CD36: variants seen among roughly 807,000 people sequenced by gnomAD.
The protein encoded by CD36 is platelet glycoprotein 4.
CD36 carries 119 observed loss-of-function variants against 55.2 expected under a neutral mutation model. That is an observed-to-expected ratio of 2.15 (90% CI 1.86 to 2.51). CD36 has a LOEUF of 2.51. Among genes scored for constraint, CD36 ranks in the 30% most tolerant of loss-of-function variants. The pLI is 0.00. For synonymous variants in CD36, 186 were observed against 193.6 expected, an observed-to-expected ratio of 0.96 and a Z score of 0.33; for missense variants, 819 against 555.5, an observed-to-expected ratio of 1.47 and a Z score of -4.77.
rs570865967 is a variant in CD36, at chr7:80,604,076, G to A, written c.-184+1697G>A. Among the ~76,000 whole-genome samples, 9 of 152,154 alleles carry A rather than the reference G, an allele frequency of 5.9e-5. No homozygotes were observed. In the East Asian group the frequency reaches 1.4e-3, roughly 23 times the overall value. ...ATAAAAATTGTGAAGTGTGTGCAAC[G>A]CGCTTCACAACAGGTTACTTTATTG... is the stretch of plus-strand genomic sequence containing the variant. On this transcript the variant is annotated intron_variant, in intron 1 of 13. Coordinates refer to the CD36 transcript ENST00000309881.
At chr7:80,654,502 C>A (rs899178021) in intron 3 of CD36, among the ~76,000 whole-genome samples, 6 of 152,114 alleles carry the variant, frequency 3.9e-5, no homozygotes, top group African/African-American at 1.4e-4. Flanking sequence ...GAGAAATCAA[C>A]CGTTTTCAGC....
At chr7:80,675,183 C>G (rs558516040) in intron 14 of CD36, among the ~76,000 whole-genome samples, 70 of 152,210 alleles carry the variant, frequency 4.6e-4, no homozygotes, top group Non-Finnish European at 8.2e-4. Flanking sequence ...ACTATTTGGA[C>G]AGAATGGCTT....
rs1389441371 is a variant in CD36, at chr7:80,663,086, A to G, written c.526A>G (p.Arg176Gly). Residue 176 changes from arginine (R) to glycine (G), a missense_variant, in exon 6 of 15, where the codon AGA (arginine) becomes GGA (glycine). Coordinates refer to ENST00000447544, the MANE Select transcript of CD36 (RefSeq NM_001001548.3). The part of the protein sequence containing the change: ...KSSMFQVRTL[R>G]ELLWGYRDPF... ...TTCTATGTTCCAAGTCAGAACTTTG[A>G]GAGAACTGTTATGGGGCTATAGGGA... The G allele has an allele frequency of 3.1e-6, 5 of 1,613,588 alleles. No individual in the cohort carries two copies. The Middle Eastern group carries it at 5.0e-4, about 160-fold the overall frequency.
intron 3 of CD36, among the ~76,000 whole-genome samples, chr7:80,649,970 G>A (rs115601670): frequency 1.3e-5 from 2 of 152,084 alleles, no homozygotes; most frequent in African/African-American, 4.8e-5. Context: ...TTAGAACATG[G>A]TCACCAATAA....
chr7:80,658,029 T>C (rs978125277), intron 4 of CD36, among the ~76,000 whole-genome samples: 4 of 152,196 alleles, frequency 2.6e-5, no homozygotes, highest in African/African-American at 9.6e-5. Flanking sequence ...CCTACTACCA[T>C]AGCACATGAC....
intron 1 of CD36, among the ~76,000 whole-genome samples, chr7:80,631,127 T>A (rs903116158): frequency 2.0e-5 from 3 of 151,886 alleles, no homozygotes; most frequent in Non-Finnish European, 2.9e-5. Context: ...CTTTTGAGAG[T>A]GACATTCTGT....
intron 1 of CD36, among the ~76,000 whole-genome samples, chr7:80,644,025 C>T (rs1352358420): frequency 6.6e-6 from 1 of 152,164 alleles, no homozygotes; most frequent in Non-Finnish European, 1.5e-5. Flanking sequence ...GCATGACATT[C>T]TCTAGTTGGC....
intron 1 of CD36, among the ~76,000 whole-genome samples, chr7:80,631,246 T>G (rs953635728): frequency 2.6e-5 from 4 of 152,040 alleles, no homozygotes; most frequent in East Asian, 1.9e-4. Flanking sequence ...TAAATATGTT[T>G]GAGTCCTTCG....
chr7:80,666,732 T>TA (rs1797128126), intron 8 of CD36, among the ~76,000 whole-genome samples: 2 of 152,336 alleles, frequency 1.3e-5, no homozygotes, highest in South Asian at 4.1e-4. Context: ...GTTTGCTTTG[T>TA]AAAAACTTTA....
rs879087063 is a variant in CD36, at chr7:80,677,220, A to C, written c.*837A>C. The C allele has an allele frequency of 6.6e-6, 1 of 152,224 alleles. No homozygotes were observed. The highest frequency in any genetic ancestry group is 1.5e-5 in the Non-Finnish European group (1 of 68,042). 9.4% of individuals were successfully genotyped at this position (152,224 alleles called of 1,614,324 possible). ...GACATTTGGTTTCATCCTTTACAGC[A>C]GTAGGACAATTGCAAAGGTTTTTCC... is the stretch of plus-strand genomic sequence containing the variant. On this transcript the variant is annotated 3_prime_UTR_variant, in exon 15 of 15. Transcript: ENST00000447544.
chr7:80,605,423 C>T (rs1365887885), intron 1 of CD36, among the ~76,000 whole-genome samples: 10 of 152,064 alleles, frequency 6.6e-5, no homozygotes, highest in Admixed American at 6.6e-4. Flanking sequence ...GCATATTCAT[C>T]ATTTTATGGA....
At chr7:80,608,013 G>A (rs1234900314) in intron 1 of CD36, among the ~76,000 whole-genome samples, 1 of 151,938 alleles carries the variant, frequency 6.6e-6, no homozygotes, top group Non-Finnish European at 1.5e-5. Flanking sequence ...CTCGTGATCC[G>A]CCCGCCTCGG....
intron 1 of CD36, among the ~76,000 whole-genome samples, chr7:80,630,466 G>A (rs1584319578): frequency 6.6e-6 from 1 of 151,970 alleles, no homozygotes; most frequent in East Asian, 1.9e-4. Flanking sequence ...CAACAGAACA[G>A]ACAAATGTAG....
chr7:80,636,044 A>G (rs988056699), upstream of CD36, among the ~76,000 whole-genome samples: 6 of 152,124 alleles, frequency 3.9e-5, no homozygotes, highest in African/African-American at 1.2e-4. Context: ...GGTGAATTAA[A>G]CAGACAAGCA....
At chr7:80,642,928 T>A (rs2116335299) in intron 1 of CD36, among the ~76,000 whole-genome samples, 1 of 152,332 alleles carries the variant, frequency 6.6e-6, no homozygotes, top group African/African-American at 2.4e-5. Flanking sequence ...TGTTTTCTAA[T>A]GTATGTGACT....
intron 1 of CD36, among the ~76,000 whole-genome samples, chr7:80,642,328 A>G (rs1794874403): frequency 6.6e-6 from 1 of 152,180 alleles, no homozygotes; most frequent in Admixed American, 6.6e-5. Context: ...ATTTTCATAT[A>G]TAAGGAGTTG....
At chr7:80,652,328 C>T (rs933955143) in intron 3 of CD36, among the ~76,000 whole-genome samples, 1 of 152,136 alleles carries the variant, frequency 6.6e-6, no homozygotes, top group Non-Finnish European at 1.5e-5. Flanking sequence ...TAGGTACTTA[C>T]ATAAATTCTT....
intron 1 of CD36, among the ~76,000 whole-genome samples, chr7:80,605,302 A>G (rs951407596): frequency 6.6e-6 from 1 of 152,222 alleles, no homozygotes; most frequent in East Asian, 1.9e-4. Context: ...ATTGTGCTAA[A>G]CATTTATAAG....
chr7:80,657,953 C>G (rs537709531), intron 4 of CD36, among the ~76,000 whole-genome samples: 1 of 152,284 alleles, frequency 6.6e-6, no homozygotes, highest in East Asian at 1.9e-4. Context: ...CAAAGCATTA[C>G]TATGCTTCCA....
Sources: allele counts gnomAD v4.1 joint callset (sites outside exome capture counted in the v4.1 genomes callset), GRCh38; gene constraint gnomAD v4.1.1; transcripts MANE v1.5; gene names NCBI Gene and HGNC (gene_info 2026-07-23, HGNC 2026-07-21).